The following FAM185A variants were observed in gnomAD, a reference collection of about 807,000 sequenced individuals.
FAM185A encodes family with sequence similarity 185 member A.
Under a neutral mutation model 45.7 loss-of-function variants are expected in FAM185A, and 21 were observed. The observed-to-expected ratio is 0.46, with a 90% CI of 0.33 to 0.66. FAM185A has a LOEUF of 0.66. FAM185A is among the 30% of genes least tolerant of loss of function. The pLI is 0.03. For missense variants in FAM185A, 305 were observed against 485.4 expected (o/e 0.63, Z 3.49); for synonymous variants, 117 against 194.0 (o/e 0.60, Z 3.30).
At chr7:102,817,116 A>G in the FAM185A span, among the ~76,000 whole-genome samples, 1 of 152,212 alleles carries the variant, frequency 6.6e-6, no homozygotes, top group Admixed American at 6.5e-5. Flanking sequence ...TCCTTTGGGT[A>G]GATACCCAGT....
chr7:102,811,445 T>C (rs1222966399), downstream of FAM185A, among the ~76,000 whole-genome samples: 3 of 152,242 alleles, frequency 2.0e-5, no homozygotes, highest in East Asian at 5.8e-4. Context: ...GCTCACTTTT[T>C]CTACTCCTTT....
downstream of FAM185A, among the ~76,000 whole-genome samples, chr7:102,812,944 G>C (rs1335473668): frequency 6.7e-6 from 1 of 150,024 alleles, no homozygotes; most frequent in African/African-American, 2.5e-5. Flanking sequence ...TCAGGTTCAA[G>C]CAAGTCCCCT....
Position 102,800,346 on chromosome 7 carries a change from C to A in FAM185A, c.1067-7944C>A, listed in dbSNP as rs1796714692. On this transcript the variant is annotated intron_variant, in intron 7 of 7. Coordinates refer to ENST00000413034, the MANE Select transcript of FAM185A (RefSeq NM_001145268.2). ...TGACAAAACAAGGCTCTTTAACAAC[C>A]CCGCGAAAATCACACTAGCTCACCA... Among the ~76,000 whole-genome samples the A allele has an allele frequency of 2.6e-5, 4 of 152,224 alleles. No individual in the cohort carries two copies. The South Asian group carries it at 6.2e-4, about 24-fold the overall frequency.
At chr7:102,797,334 G>A (rs560462682) in intron 7 of FAM185A, among the ~76,000 whole-genome samples, 68 of 151,564 alleles carry the variant, frequency 4.5e-4, no homozygotes, top group Middle Eastern at 6.8e-3. Context: ...GTGGTGGCAC[G>A]CGGCTGTAGT....
At chr7:102,782,064 G>A (rs1013110725) in intron 6 of FAM185A, among the ~76,000 whole-genome samples, 1 of 152,206 alleles carries the variant, frequency 6.6e-6, no homozygotes, top group African/African-American at 2.4e-5. Context: ...AGTGATGGAA[G>A]ATGAAATGAA....
chr7:102,766,554 G>C (rs541849539), intron 4 of FAM185A, among the ~76,000 whole-genome samples: 184 of 152,248 alleles, frequency 1.2e-3, no homozygotes, highest in African/African-American at 4.0e-3. Flanking sequence ...AGGACTTGTA[G>C]TCACTGATAA....
intron 6 of FAM185A, among the ~76,000 whole-genome samples, chr7:102,782,098 G>GA (rs1308870771): frequency 6.6e-6 from 1 of 152,050 alleles, no homozygotes; most frequent in Non-Finnish European, 1.5e-5. Context: ...GAAGTTTAGA[G>GA]AAAAAAGAAT....
the FAM185A span, among the ~76,000 whole-genome samples, chr7:102,842,895 T>C: frequency 2.0e-5 from 3 of 152,338 alleles, no homozygotes; most frequent in African/African-American, 7.2e-5. Flanking sequence ...CATTCCTGGG[T>C]CAGACCAAAA....
downstream of FAM185A, among the ~76,000 whole-genome samples, chr7:102,811,651 A>G (rs568680617): frequency 1.3e-5 from 2 of 152,310 alleles, no homozygotes; most frequent in Non-Finnish European, 2.9e-5. Context: ...TTCCTTTAGA[A>G]AGCAATTGCC....
chr7:102,807,954 C>T (rs148674381), intron 7 of FAM185A, among the ~76,000 whole-genome samples: 1 of 152,032 alleles, frequency 6.6e-6, no homozygotes, highest in Non-Finnish European at 1.5e-5. Flanking sequence ...CCAGCTACTT[C>T]GGAGTCTGAG....
At chr7:102,848,488 G>A in the FAM185A span, among the ~76,000 whole-genome samples, 3 of 59,578 alleles carry the variant, frequency 5.0e-5, no homozygotes, top group East Asian at 6.9e-4. Context: ...CCCAAGAGGC[G>A]GAGCTTGCAG....
At chr7:102,796,153 T>G (rs1796427471) in intron 7 of FAM185A, among the ~76,000 whole-genome samples, 1 of 152,048 alleles carries the variant, frequency 6.6e-6, no homozygotes, top group Non-Finnish European at 1.5e-5. Context: ...TTAGTCAGTC[T>G]GAGATGAAAT....
chr7:102,808,332 C>G lies in FAM185A; in HGVS notation c.1109C>G (p.Ala370Gly). The change falls in exon 8 of 8, where the codon GCT becomes GGT. Residue 370 changes from alanine to glycine, a missense_variant. This residue lies in a region of FAM185A where 66 missense variants were observed against 74.6 expected (regional missense o/e 0.89). Transcript: ENST00000413034. ...QASKREKWIK[A>G]DAPKGTVSFR... ...AGCAAACGTGAAAAATGGATTAAGG[C>G]TGATGCCCCAAAAGGCACTGTAAGT... 6.4e-7 allele frequency: 1 copy of G among 1,551,786 alleles called. No homozygotes were observed. Among genetic ancestry groups the G allele is most frequent in the Non-Finnish European group, 8.7e-7 (1 of 1,146,984 alleles).
At chr7:102,826,724 C>CATATATATATATATAT in the FAM185A span, among the ~76,000 whole-genome samples, 8 of 62,722 alleles carry the variant, frequency 1.3e-4, no homozygotes, top group Non-Finnish European at 3.0e-4. Context: ...GACCCTGTCT[C>CATATATATATATATAT]ATATATATAT....
chr7:102,820,712 T>C, the FAM185A span, among the ~76,000 whole-genome samples: 1 of 152,206 alleles, frequency 6.6e-6, no homozygotes, highest in Non-Finnish European at 1.5e-5. Flanking sequence ...TATCATCCCA[T>C]GGCAGGAAAG....
intron 7 of FAM185A, among the ~76,000 whole-genome samples, chr7:102,793,694 C>T (rs991415050): frequency 6.6e-6 from 1 of 151,970 alleles, no homozygotes; most frequent in Non-Finnish European, 1.5e-5. Flanking sequence ...TAGCAGATTA[C>T]ATATGGACTC....
intron 6 of FAM185A, among the ~76,000 whole-genome samples, chr7:102,782,859 T>A (rs549759095): frequency 6.6e-6 from 1 of 151,796 alleles, no homozygotes; most frequent in Admixed American, 6.6e-5. Context: ...GACTGGCAAA[T>A]TGGATAAAGA....
At chr7:102,797,068 A>G (rs1429908270) in intron 7 of FAM185A, among the ~76,000 whole-genome samples, 1 of 152,230 alleles carries the variant, frequency 6.6e-6, no homozygotes, top group African/African-American at 2.4e-5. Context: ...TTTAGTGGAT[A>G]GGCATCATTA....
downstream of FAM185A, among the ~76,000 whole-genome samples, chr7:102,809,570 C>T (rs1338365079): frequency 1.3e-5 from 2 of 152,034 alleles, no homozygotes; most frequent in African/African-American, 4.8e-5. Context: ...GGTATGGTGG[C>T]TCATCCCTGT....
Sources: allele counts gnomAD v4.1 joint callset (sites outside exome capture counted in the v4.1 genomes callset), GRCh38; gene constraint gnomAD v4.1.1; regional missense constraint gnomAD v4.1.1; transcripts MANE v1.5; gene names NCBI Gene and HGNC (gene_info 2026-07-23, HGNC 2026-07-21).